The following SNURF variants were observed in gnomAD, a reference collection of about 807,000 sequenced individuals.
SNURF encodes SNURF protein.
SNURF carries 6 observed loss-of-function variants against 11.6 expected under a neutral mutation model. That is an observed-to-expected ratio of 0.52 (90% CI 0.28 to 1.02). SNURF has a LOEUF of 1.02. Among genes scored for constraint, SNURF ranks in the 50% least tolerant of loss-of-function variants. The pLI is 0.09. For missense variants in SNURF, 84 were observed against 88.4 expected, an observed-to-expected ratio of 0.95 and a Z score of 0.20; for synonymous variants, 29 against 31.6, an observed-to-expected ratio of 0.92 and a Z score of 0.27.
At chr15:24,978,694 C>G, downstream of SNURF, 1 of 538,148 alleles carries the variant, frequency 1.9e-6, no homozygotes, top group Non-Finnish European at 3.3e-6. Flanking sequence ...CTCTTTAATT[C>G]TTAGGATAAA....
chr15:24,963,537 C>T (rs1048920854), intron 2 of SNURF, among the ~76,000 whole-genome samples: 3 of 151,428 alleles, frequency 2.0e-5, no homozygotes, highest in Non-Finnish European at 4.4e-5. Flanking sequence ...ATTGTTTGAG[C>T]CCAGGAGACG....
At chr15:24,956,439 T>A (rs2153371117) in intron 1 of SNURF, among the ~76,000 whole-genome samples, 1 of 152,088 alleles carries the variant, frequency 6.6e-6, no homozygotes, top group East Asian at 2.0e-4. Context: ...TTTCGGAGTT[T>A]CAGCCGTACC....
chr15:24,967,952 G>T lies in SNURF; in HGVS notation c.131G>T (p.Arg44Leu), dbSNP rs142583293. 1.1e-5 allele frequency: 18 copies of T among 1,613,824 alleles called. 1 individual carries two copies. The South Asian group carries it at 1.3e-4, about 12-fold the overall frequency. The stretch of plus-strand genomic sequence containing the variant: ...TGTAGGTGTCAGTTGTACCCGAGGC[G>T]TTCTCAGCAGCAGCAAGTACCTGTG... Residue 44 changes from arginine to leucine, a missense_variant, in exon 3 of 3, where the codon CGT (arginine) becomes CTT (leucine). Transcript: ENST00000577949.
intron 2 of SNURF, among the ~76,000 whole-genome samples, chr15:24,965,621 A>G (rs1477318485): frequency 1.3e-5 from 2 of 152,148 alleles, no homozygotes; most frequent in African/African-American, 4.8e-5. Context: ...ATTAGCTCTT[A>G]TTCTTTGGGG....
chr15:24,975,523 G>T (rs759434879), intron 4 of SNURF: 18 of 1,609,318 alleles, frequency 1.1e-5, no homozygotes, highest in Non-Finnish European at 1.4e-5. Context: ...AGGCTGATTT[G>T]GGCAAATGGG....
chr15:24,962,355 A>G (rs2074965714), intron 2 of SNURF, 146 bp downstream of exon 2: 1 of 727,904 alleles, frequency 1.4e-6, no homozygotes. Context: ...AAAGCAATGA[A>G]ATTCTTAACC....
chr15:24,968,021 C>T (rs1261278049), exon 3 of SNURF: 36 of 1,613,900 alleles, frequency 2.2e-5, no homozygotes, highest in Non-Finnish European at 3.1e-5. Flanking sequence ...TTAGCTGAGA[C>T]ACCAAGAGGT....
intron 2 of SNURF, among the ~76,000 whole-genome samples, chr15:24,963,434 G>A (rs2075147885): frequency 6.6e-6 from 1 of 151,868 alleles, no homozygotes; most frequent in Admixed American, 6.6e-5. Context: ...GGCCAACATG[G>A]TGAAACCCCG....
At chr15:24,964,540 C>T (rs553684053) in intron 2 of SNURF, among the ~76,000 whole-genome samples, 107 of 152,234 alleles carry the variant, frequency 7.0e-4, no homozygotes, top group African/African-American at 2.4e-3. Flanking sequence ...ATGATCCGCC[C>T]GCCTTGGTTT....
At chr15:24,974,210 GT>G in intron 3 of SNURF, 1 of 536,328 alleles carries the variant, frequency 1.9e-6, no homozygotes, top group Non-Finnish European at 3.4e-6. Context: ...GAGGAAGGAT[GT>G]TTTTGAACGT....
chr15:24,975,257 A>G, intron 3 of SNURF: 2 of 908,196 alleles, frequency 2.2e-6, no homozygotes, highest in Non-Finnish European at 3.4e-6. Context: ...TTAGTTAAGG[A>G]AACCAGGCTT....
intron 1 of SNURF, among the ~76,000 whole-genome samples, chr15:24,960,822 GTAGA>G (rs1303795208): frequency 2.0e-5 from 3 of 152,148 alleles, no homozygotes; most frequent in African/African-American, 7.2e-5. Flanking sequence ...TACAAAAGCT[GTAGA>G]TAGTTAATGT....
Position 24,975,284 on chromosome 15 carries a change from G to A in SNURF, c.*46-74G>A, listed in dbSNP as rs1234822752. ...ACCAGGCTTAGATTATGTAAGGGTGGAGAAGAAACAGGAGAAGATTAGAAG... is the reference window on the plus strand; with the variant it reads ...ACCAGGCTTAGATTATGTAAGGGTGAAGAAGAAACAGGAGAAGATTAGAAG... On this transcript the variant is annotated intron_variant and NMD_transcript_variant, in intron 3 of 6. Coordinates refer to the SNURF transcript ENST00000580062. 6.8e-6 allele frequency: 8 copies of A among 1,180,174 alleles called. No individual in the cohort carries two copies. The Admixed American group carries it at 1.5e-4, about 23-fold the overall frequency. The allele number at this position is 1,180,174 out of a possible 1,614,324, so 73.1% of individuals were successfully genotyped here. A position where few individuals can be genotyped will look rare whatever the true frequency, so the allele number is the denominator to read the frequency against.
intron 2 of SNURF, among the ~76,000 whole-genome samples, chr15:24,964,933 T>C (rs988598260): frequency 6.6e-6 from 1 of 152,172 alleles, no homozygotes; most frequent in African/African-American, 2.4e-5. Flanking sequence ...GCACTGCATA[T>C]ATATGTACAA....
At chr15:24,962,114 G>T in exon 2 of SNURF, 1 of 1,613,810 alleles carries the variant, frequency 6.2e-7, no homozygotes, top group South Asian at 1.1e-5. Context: ...TCTGTTTCAG[G>T]GATCGCTTAC....
downstream of SNURF, among the ~76,000 whole-genome samples, chr15:24,972,995 C>A (rs957547826): frequency 6.6e-6 from 1 of 152,148 alleles, no homozygotes; most frequent in Non-Finnish European, 1.5e-5. Flanking sequence ...TCAAGCGATT[C>A]TCCTGCCTCA....
At chr15:24,956,432 C>T (rs4906939) in intron 1 of SNURF, among the ~76,000 whole-genome samples, 54,494 of 149,820 alleles carry the variant, frequency 0.36, 10,277 homozygotes, top group East Asian at 0.5. Flanking sequence ...TCTGCTGTTT[C>T]GGAGTTTCAG....
chr15:24,962,959 C>G (rs1050348339), intron 2 of SNURF, among the ~76,000 whole-genome samples: 1 of 151,618 alleles, frequency 6.6e-6, no homozygotes, highest in Non-Finnish European at 1.5e-5. Context: ...TTTTGTAAAA[C>G]AGTTTTGCAT....
chr15:24,957,010 C>G (rs982340675), intron 1 of SNURF, among the ~76,000 whole-genome samples: 1 of 152,136 alleles, frequency 6.6e-6, no homozygotes, highest in Non-Finnish European at 1.5e-5. Flanking sequence ...AAAATCGTAC[C>G]TTTTCATTTT....
Sources: gnomAD v4.1 joint callset for allele counts (sites outside exome capture counted in the v4.1 genomes callset) on GRCh38, gnomAD v4.1.1 for gene constraint, MANE v1.5 for transcripts, NCBI Gene and HGNC (gene_info 2026-07-23, HGNC 2026-07-21) for gene names.